Variants in LRRC9 observed in about 807,000 individuals in gnomAD.
The protein encoded by LRRC9 is leucine-rich repeat-containing protein 9.
LRRC9 carries 122 observed loss-of-function variants against 63.2 expected under a neutral mutation model. That is an observed-to-expected ratio of 1.93 (90% CI 1.67 to 2.24). The LOEUF is 2.24. Ranked by LOEUF, LRRC9 falls within the 30% of genes most tolerant of loss-of-function variation. The pLI is 0.00. For synonymous variants in LRRC9, 366 were observed against 213.1 expected, an observed-to-expected ratio of 1.72 and a Z score of -6.25; for missense variants, 1,071 against 627.7, an observed-to-expected ratio of 1.71 and a Z score of -7.55.
intron 30 of LRRC9, among the ~76,000 whole-genome samples, chr14:60,054,929 T>C (rs1595123668): frequency 6.6e-6 from 1 of 152,168 alleles, no homozygotes; most frequent in African/African-American, 2.4e-5. Flanking sequence ...ACCAGGCTAA[T>C]TTTTGTATTT....
At chr14:59,956,243 G>T (rs1219590576) in intron 8 of LRRC9, among the ~76,000 whole-genome samples, 1 of 152,030 alleles carries the variant, frequency 6.6e-6, no homozygotes, top group African/African-American at 2.4e-5. Context: ...GGGTGTTAAG[G>T]TCTCCCACTA....
At chr14:60,064,860 A>T (rs1894844920), downstream of LRRC9, among the ~76,000 whole-genome samples, 1 of 152,220 alleles carries the variant, frequency 6.6e-6, no homozygotes, top group African/African-American at 2.4e-5. Flanking sequence ...GTCTTAAAAT[A>T]ACAAAGTGGG....
At chr14:59,993,831 C>T (rs972868339) in intron 17 of LRRC9, among the ~76,000 whole-genome samples, 1 of 152,176 alleles carries the variant, frequency 6.6e-6, no homozygotes, top group African/African-American at 2.4e-5. Flanking sequence ...TAGTGACCTA[C>T]AAAGAGACTT....
At chr14:59,974,922 G>A (rs1213031574) in intron 13 of LRRC9, among the ~76,000 whole-genome samples, 1 of 150,378 alleles carries the variant, frequency 6.6e-6, no homozygotes, top group Non-Finnish European at 1.5e-5. Context: ...TATTATGTCA[G>A]CATTAAGAGG....
At chr14:60,039,151 C>T (rs1483513461) in intron 29 of LRRC9, among the ~76,000 whole-genome samples, 1 of 152,196 alleles carries the variant, frequency 6.6e-6, no homozygotes, top group African/African-American at 2.4e-5. Flanking sequence ...TGATGTGCTG[C>T]TGGATTCGGT....
chr14:60,018,518 C>T (rs1410135589), intron 25 of LRRC9, 39 bp downstream of exon 25: 2 of 667,256 alleles, frequency 3.0e-6, no homozygotes, highest in South Asian at 3.3e-5. Context: ...TCAAGGTTTC[C>T]AATGCAAATT....
exon 3 of LRRC9, chr14:59,928,409 C>G (rs1212023020): frequency 1.4e-6 from 1 of 697,742 alleles, no homozygotes; most frequent in Non-Finnish European, 2.6e-6. Context: ...CATTGTTGCT[C>G]AAGATATAAA....
chr14:59,995,079 T>A (rs1244760140), intron 17 of LRRC9, among the ~76,000 whole-genome samples: 2 of 152,186 alleles, frequency 1.3e-5, no homozygotes, highest in African/African-American at 4.8e-5. Context: ...TGTATCAGTG[T>A]ACTTAAACTA....
exon 32 of LRRC9, chr14:60,063,359 G>A (rs563029514): frequency 5.7e-6 from 4 of 700,740 alleles, no homozygotes; most frequent in East Asian, 2.7e-5. Flanking sequence ...CAAATCGAAT[G>A]TAACTGCCTA....
intron 24 of LRRC9, 22 bp downstream of exon 24, chr14:60,016,812 C>A (rs949863845): frequency 1.6e-6 from 1 of 640,828 alleles, no homozygotes; most frequent in Non-Finnish European, 2.9e-6. Context: ...TTATTATATG[C>A]CTTTTTACAT....
chr14:60,048,343 C>T (rs1340044942), intron 29 of LRRC9, among the ~76,000 whole-genome samples: 1 of 151,992 alleles, frequency 6.6e-6, no homozygotes, highest in East Asian at 1.9e-4. Flanking sequence ...AAATCAACAA[C>T]TCCAGGACGT....
At chr14:59,934,768 G>A (rs766441727) in intron 6 of LRRC9, among the ~76,000 whole-genome samples, 2 of 151,826 alleles carry the variant, frequency 1.3e-5, no homozygotes, top group Non-Finnish European at 2.9e-5. Flanking sequence ...CTAATTATCA[G>A]GCTGGTAAAC....
rs199966199 is a variant in LRRC9, at chr14:60,058,035, T to C, written c.4276+13T>C. On this transcript the variant is annotated intron_variant, in intron 31 of 31. Coordinates refer to ENST00000445360, the Ensembl canonical transcript of LRRC9. The surrounding 1 kb of genome is among the most constrained non-coding windows in gnomAD (Gnocchi z 4.4). ...CCTGAAGTTGAAGGTATTTTGACAA[T>C]TTCAGATAGAATGTAAAAGAATCAC... The C allele has an allele frequency of 1.7e-6, 1 of 591,578 alleles. No homozygotes were observed. The highest frequency in any genetic ancestry group is 2.2e-5 in the Admixed American group (1 of 45,176). The allele number at this position is 591,578 out of a possible 1,614,324, so 36.6% of individuals were successfully genotyped here.
intron 17 of LRRC9, among the ~76,000 whole-genome samples, chr14:59,995,497 G>T (rs766075449): frequency 1.3e-5 from 2 of 152,160 alleles, no homozygotes; most frequent in Non-Finnish European, 2.9e-5. Flanking sequence ...AGTATCCCAA[G>T]AAAATTTAAG....
At chr14:59,975,052 TGC>T (rs1885987671) in intron 13 of LRRC9, among the ~76,000 whole-genome samples, 3 of 45,984 alleles carry the variant, frequency 6.5e-5, no homozygotes, top group Non-Finnish European at 1.5e-4. Flanking sequence ...TATATATATA[TGC>T]TGAACTAAAC....
At chr14:59,960,383 T>C (rs925160297) in intron 9 of LRRC9, among the ~76,000 whole-genome samples, 7 of 152,198 alleles carry the variant, frequency 4.6e-5, no homozygotes, top group African/African-American at 1.7e-4. Flanking sequence ...TCAGGCTCAG[T>C]TATCAATTAG....
downstream of LRRC9, among the ~76,000 whole-genome samples, chr14:60,065,455 C>T (rs189558075): frequency 9.2e-5 from 14 of 151,418 alleles, no homozygotes; most frequent in Admixed American, 2.6e-4. Context: ...CAAGACCAGC[C>T]TGGCCAACAA....
chr14:59,933,839 T>C (rs1889907674), intron 6 of LRRC9, among the ~76,000 whole-genome samples: 1 of 152,034 alleles, frequency 6.6e-6, no homozygotes, highest in Non-Finnish European at 1.5e-5. Context: ...AATCAAGGGG[T>C]ATATTTGAAT....
chr14:59,924,986 G>T (rs6573290), intron 1 of LRRC9, among the ~76,000 whole-genome samples: 45 of 149,588 alleles, frequency 3.0e-4, no homozygotes, highest in African/African-American at 1.1e-3. Context: ...ACTCCCTTAT[G>T]TCCTTCATTT....
Sources: gnomAD v4.1 joint callset for allele counts (sites outside exome capture counted in the v4.1 genomes callset) on GRCh38, gnomAD v4.1.1 for gene constraint, Gnocchi (gnomAD v3.1) non-coding constraint, MANE v1.5 for transcripts, NCBI Gene and HGNC (gene_info 2026-07-23, HGNC 2026-07-21) for gene names.